The following ADGRV1 variants were observed in gnomAD, a reference collection of about 807,000 sequenced individuals.
ADGRV1 encodes the protein adhesion G protein-coupled receptor V1, also known as G-protein coupled receptor 98.
ADGRV1 carries 359 observed loss-of-function variants against 596.2 expected under a neutral mutation model. The ratio of observed to expected loss-of-function variants is 0.60; its 90% CI spans 0.55 to 0.66. The LOEUF (loss-of-function observed/expected upper bound fraction) is 0.66. Ranked by LOEUF, ADGRV1 falls within the 30% of genes least tolerant of loss-of-function variation. ADGRV1 has a pLI of 0.00. For missense variants in ADGRV1, 7,274 were observed against 7,575.6 expected (o/e 0.96, Z 1.48); for synonymous variants, 2,681 against 2,679.2 (o/e 1.00, Z -0.02).
At chr5:90,644,055 TTAGTAAC>T (rs1382171267) in intron 14 of ADGRV1, 72 bp downstream of exon 14, 4 of 1,103,186 alleles carry the variant, frequency 3.6e-6, no homozygotes, top group Admixed American at 3.0e-5. Flanking sequence ...AGTTATTTCT[TTAGTAAC>T]TAGTTATTTC....
chr5:90,818,607 G>C (rs1763154384), intron 75 of ADGRV1, among the ~76,000 whole-genome samples: 1 of 151,530 alleles, frequency 6.6e-6, no homozygotes, highest in Non-Finnish European at 1.5e-5. Context: ...CTAATTTATT[G>C]AGAATTTTTA....
intron 68 of ADGRV1, among the ~76,000 whole-genome samples, chr5:90,789,262 G>T (rs1286367476): frequency 6.6e-6 from 1 of 152,060 alleles, no homozygotes. Context: ...CTAGATGAGC[G>T]TTTGACCAAA....
chr5:90,691,424 G>T (rs564864676), intron 31 of ADGRV1, among the ~76,000 whole-genome samples: 1 of 133,256 alleles, frequency 7.5e-6, no homozygotes, highest in East Asian at 2.2e-4. Context: ...TACGCTTGTC[G>T]CCCAGGCTGG....
intron 74 of ADGRV1, among the ~76,000 whole-genome samples, chr5:90,811,928 A>ATTT (rs57092908): frequency 7.5e-6 from 1 of 132,584 alleles, no homozygotes. Context: ...ATCATACTGT[A>ATTT]TTTTTTTTTT....
At chr5:90,633,029 GCTC>G (rs1160563104) in intron 9 of ADGRV1, among the ~76,000 whole-genome samples, 2 of 152,142 alleles carry the variant, frequency 1.3e-5, no homozygotes, top group Non-Finnish European at 2.9e-5. Flanking sequence ...TTCTTTAGTC[GCTC>G]CTCATTCTTT....
At chr5:90,719,815 A>G (rs1490219401) in intron 43 of ADGRV1, among the ~76,000 whole-genome samples, 1 of 152,232 alleles carries the variant, frequency 6.6e-6, no homozygotes, top group Admixed American at 6.5e-5. Flanking sequence ...TTTAAAATGC[A>G]CTAAATATTT....
chr5:90,725,631 A>T lies in ADGRV1; in HGVS notation c.10136A>T (p.Gln3379Leu). Residue 3379 changes from glutamine (Q) to leucine (L), a missense_variant, in exon 48 of 90, where the codon CAA becomes CTA. Coordinates refer to ENST00000405460, the MANE Select transcript of ADGRV1 (RefSeq NM_032119.4). ...CAAGATTATTTAATCATTGCAAGTC[A>T]AAGAGATGATTCCGAATTAACTCAG... ...DSQDYLIIAS[Q>L]RDDSELTQVF... 6.4e-7 allele frequency: 1 copy of T among 1,567,948 alleles called. No individual in the cohort carries two copies. The highest frequency in any genetic ancestry group is 8.8e-7 in the Non-Finnish European group (1 of 1,141,942).
At chr5:90,976,342 A>G (rs908920226) in intron 84 of ADGRV1, among the ~76,000 whole-genome samples, 1 of 145,492 alleles carries the variant, frequency 6.9e-6, no homozygotes, top group African/African-American at 2.5e-5. Flanking sequence ...ATATATATAT[A>G]TATATATGTA....
At position 90,767,432 on chromosome 5, in the gene ADGRV1, C is replaced by T. The variant is rs904611417; in HGVS notation, c.12285+3963C>T. ...AAAAAACTTAGAAAATAAGAATTGA[C>T]GAGAAGGAAATAATTATTAAAAGAG... On this transcript the variant is annotated intron_variant, in intron 59 of 89. Coordinates refer to ENST00000405460, the MANE Select transcript of ADGRV1 (RefSeq NM_032119.4). Among the ~76,000 whole-genome samples, 8 of 151,756 alleles carry T rather than the reference C, an allele frequency of 5.3e-5. No individual in the cohort carries two copies. In the South Asian group the frequency reaches 8.3e-4, roughly 16 times the overall value.
intron 71 of ADGRV1, chr5:90,805,021 A>G: frequency 3.6e-6 from 1 of 275,198 alleles, no homozygotes; most frequent in Non-Finnish European, 6.7e-6. Flanking sequence ...AACCATAATT[A>G]TGCTTATCTT....
intron 75 of ADGRV1, among the ~76,000 whole-genome samples, chr5:90,820,341 G>T (rs1763357730): frequency 6.9e-6 from 1 of 145,390 alleles, no homozygotes; most frequent in Non-Finnish European, 1.5e-5. Context: ...CCTGAATACA[G>T]CACACTGATG....
At chr5:90,872,539 C>T (rs940197381) in intron 83 of ADGRV1, among the ~76,000 whole-genome samples, 1 of 151,894 alleles carries the variant, frequency 6.6e-6, no homozygotes, top group East Asian at 1.9e-4. Flanking sequence ...AGGGCTAGAG[C>T]ACTGGTCTTG....
At chr5:91,010,897 T>C (rs1472947545) in intron 85 of ADGRV1, among the ~76,000 whole-genome samples, 1 of 151,962 alleles carries the variant, frequency 6.6e-6, no homozygotes, top group Non-Finnish European at 1.5e-5. Context: ...TCCCTGAAAA[T>C]AGAATTTCAA....
At chr5:90,785,732 A>T (rs868672587) in intron 67 of ADGRV1, among the ~76,000 whole-genome samples, 3 of 152,244 alleles carry the variant, frequency 2.0e-5, no homozygotes, top group African/African-American at 7.2e-5. Context: ...AATGGCGATC[A>T]TTAAAAAGTC....
chr5:91,006,034 G>A (rs1465704973), intron 85 of ADGRV1, among the ~76,000 whole-genome samples: 2 of 152,110 alleles, frequency 1.3e-5, no homozygotes, highest in Non-Finnish European at 2.9e-5. Flanking sequence ...TGCCTGCTAA[G>A]CCCTGAGTCT....
chr5:90,941,406 T>C (rs905419437), intron 83 of ADGRV1, among the ~76,000 whole-genome samples: 6 of 152,208 alleles, frequency 3.9e-5, no homozygotes, highest in African/African-American at 1.4e-4. Flanking sequence ...AGAATGACTT[T>C]TAAGAATGAG....
intron 83 of ADGRV1, among the ~76,000 whole-genome samples, chr5:90,921,818 T>C (rs1773904640): frequency 6.9e-6 from 1 of 144,524 alleles, no homozygotes; most frequent in Non-Finnish European, 1.5e-5. Context: ...TTTTTTTTTC[T>C]ACAAGAGTCT....
chr5:90,632,651 A>C (rs562759757), intron 9 of ADGRV1, among the ~76,000 whole-genome samples: 1 of 152,200 alleles, frequency 6.6e-6, no homozygotes, highest in East Asian at 1.9e-4. Context: ...CTATATAAAC[A>C]TGACAATTAA....
intron 21 of ADGRV1, among the ~76,000 whole-genome samples, chr5:90,663,698 C>A (rs1260672348): frequency 2.0e-5 from 3 of 152,112 alleles, no homozygotes; most frequent in Non-Finnish European, 4.4e-5. Context: ...ATGCCTGTGT[C>A]CTGAATGGTA....
Sources: gnomAD v4.1 joint callset for allele counts (sites outside exome capture counted in the v4.1 genomes callset) on GRCh38, gnomAD v4.1.1 for gene constraint, MANE v1.5 for transcripts, NCBI Gene and HGNC (gene_info 2026-07-23, HGNC 2026-07-21) for gene names.